The following OCIAD2 variants were observed in gnomAD, a reference collection of about 807,000 sequenced individuals.
The protein encoded by OCIAD2 is OCIA domain containing 2, also known as OCIA domain-containing protein 2.
Under a neutral mutation model 22.9 loss-of-function variants are expected in OCIAD2, and 29 were observed. That is an observed-to-expected ratio of 1.27 (90% CI 0.94 to 1.73). The LOEUF (loss-of-function observed/expected upper bound fraction) is 1.73. Ranked by LOEUF, OCIAD2 falls within the 40% of genes most tolerant of loss-of-function variation. The probability of loss-of-function intolerance (pLI) is 0.00; values close to 1 mark genes in which losing one functional copy is unlikely to be tolerated. For missense variants in OCIAD2, 189 were observed against 180.3 expected (o/e 1.05, Z -0.28); for synonymous variants, 67 against 60.2 (o/e 1.11, Z -0.52).
chr4:48,889,124 A>G (rs912933465), intron 6 of OCIAD2, among the ~76,000 whole-genome samples: 45 of 152,160 alleles, frequency 3.0e-4, no homozygotes, highest in Admixed American at 2.8e-3. Flanking sequence ...GTTTATTTGC[A>G]TAGAGGTGTT....
At position 48,904,622 on chromosome 4, in the gene OCIAD2, T is replaced by G; in HGVS notation, c.-62-11A>C. The G allele has an allele frequency of 1.5e-6, 2 of 1,323,054 alleles. No individual in the cohort carries two copies. Among genetic ancestry groups the G allele is most frequent in the South Asian group, 2.3e-5 (2 of 85,236 alleles). 82.0% of individuals were successfully genotyped at this position (1,323,054 alleles called of 1,614,324 possible). ...TCCTTGACCCAGTGTCTAAGGAAGG[T>G]AGAAGAGAATCACTATGCCATGACT... On this transcript the variant is annotated splice_polypyrimidine_tract_variant and intron_variant, in intron 1 of 6. Coordinates refer to ENST00000508632, the MANE Select transcript of OCIAD2 (RefSeq NM_001014446.3).
chr4:48,903,047 C>G (rs1318859740), intron 2 of OCIAD2, among the ~76,000 whole-genome samples: 1 of 152,140 alleles, frequency 6.6e-6, no homozygotes, highest in Non-Finnish European at 1.5e-5. Flanking sequence ...CCAAATAATT[C>G]TCCTTGTGAC....
At chr4:48,897,481 T>C (rs1179510907) in intron 4 of OCIAD2, among the ~76,000 whole-genome samples, 1 of 152,176 alleles carries the variant, frequency 6.6e-6, no homozygotes, top group Non-Finnish European at 1.5e-5. Flanking sequence ...AGATCCCGCC[T>C]TTCACTTGTA....
At position 48,885,308 on chromosome 4, in the gene OCIAD2, C is replaced by T; in HGVS notation, c.*176G>A. ...CATGCCCCGACATGTTCTTAAAGAG[C>T]AGAAAAACATGTAACGCTTAGTTCA... is the stretch of plus-strand genomic sequence containing the variant. On this transcript the variant is annotated 3_prime_UTR_variant, in exon 7 of 7. Transcript: ENST00000508632. 2.8e-6 allele frequency: 1 copy of T among 358,944 alleles called. No individual in the cohort carries two copies. The highest frequency in any genetic ancestry group is 2.7e-5 in the South Asian group (1 of 37,332). 22.2% of individuals were successfully genotyped at this position (358,944 alleles called of 1,614,324 possible). A position where few individuals can be genotyped will look rare whatever the true frequency, so the allele number is the denominator to read the frequency against.
rs892250533 is a variant in OCIAD2 at position 48,899,722 on chromosome 4, C to T, written c.163+107G>A. 3 of 727,746 alleles carry T rather than the reference C, an allele frequency of 4.1e-6. No homozygotes were observed. The African/African-American group carries it at 5.4e-5, about 13-fold the overall frequency. 45.1% of individuals were successfully genotyped at this position (727,746 alleles called of 1,614,324 possible). On this transcript the variant is annotated intron_variant, in intron 3 of 6. Transcript: ENST00000508632. ...CTAAACATCCCTGAATATCAGAGTT[C>T]ATCAGATATTTATGCAAAGTCTCTG...
At chr4:48,900,311 C>T (rs1240940474) in intron 2 of OCIAD2, among the ~76,000 whole-genome samples, 2 of 152,178 alleles carry the variant, frequency 1.3e-5, no homozygotes, top group Admixed American at 6.5e-5. Flanking sequence ...CCCAGCTGAA[C>T]ATTGTCTCCT....
intron 6 of OCIAD2, among the ~76,000 whole-genome samples, chr4:48,890,642 C>T (rs186062902): frequency 2.0e-5 from 3 of 152,240 alleles, no homozygotes; most frequent in East Asian, 3.9e-4. Context: ...GAATAATATT[C>T]GCATTTGAAT....
At position 48,904,473 on chromosome 4, in the gene OCIAD2, T is replaced by C. The variant is rs1781485343; in HGVS notation, c.66+11A>G. The stretch of plus-strand genomic sequence containing the variant: ...CAATCAATGAATCGATCAATAAATA[T>C]AAAAGTATACCTGCTTGCTTGGTGG... On this transcript the variant is annotated intron_variant, in intron 2 of 6. Coordinates refer to ENST00000508632, the MANE Select transcript of OCIAD2 (RefSeq NM_001014446.3). The C allele has an allele frequency of 1.2e-6, 2 of 1,611,864 alleles. No homozygotes were observed. The highest frequency in any genetic ancestry group is 1.3e-5 in the African/African-American group (1 of 74,886).
chr4:48,890,291 A>G (rs1441939592), intron 6 of OCIAD2, among the ~76,000 whole-genome samples: 4 of 152,000 alleles, frequency 2.6e-5, no homozygotes, highest in Non-Finnish European at 4.4e-5. Flanking sequence ...TGCTTGGTTT[A>G]TGACCCCCAG....
intron 6 of OCIAD2, among the ~76,000 whole-genome samples, chr4:48,892,447 C>G (rs1781198098): frequency 6.6e-6 from 1 of 152,118 alleles, no homozygotes; most frequent in Non-Finnish European, 1.5e-5. Context: ...CTGAGAAGCC[C>G]TGCAGTAAAG....
At chr4:48,898,220 A>G (rs2109678860) in intron 3 of OCIAD2, among the ~76,000 whole-genome samples, 1 of 152,308 alleles carries the variant, frequency 6.6e-6, no homozygotes, top group African/African-American at 2.4e-5. Context: ...AGCTATGTGT[A>G]TATTTTGAAA....
rs6447673 is a variant in OCIAD2 at position 48,894,540 on chromosome 4, G to T, written c.218-487C>A. The stretch of plus-strand genomic sequence containing the variant: ...TTATGATTCAATTCTCAGTTGAATT[G>T]AACTCCCAGATAGTCATTTTAGGCA... On this transcript the variant is annotated intron_variant, in intron 4 of 6. Transcript: ENST00000508632. 3.1e-3 allele frequency among the ~76,000 whole-genome samples: 475 copies of T among 152,198 alleles called. 1 individual carries two copies. The highest frequency in any genetic ancestry group is 0.011 in the African/African-American group (445 of 41,498).
rs765594568 is a variant in OCIAD2 at position 48,892,788 on chromosome 4, C to A, written c.367G>T (p.Gly123Cys). ...FEDQLRGAGFGPQHNRHCLLT... is the reference protein window; with the variant it reads ...FEDQLRGAGFCPQHNRHCLLT... Reference sequence around the variant, plus strand: ...ATTACAAACCTGTTATGCTGTGGACCAAAACCAGCCCCACGGAGCTGATCT... The same window carrying A: ...ATTACAAACCTGTTATGCTGTGGACAAAAACCAGCCCCACGGAGCTGATCT... Residue 123 changes from glycine (G) to cysteine (C), a missense_variant, in exon 6 of 7, where the codon GGT (glycine) becomes TGT (cysteine). Coordinates refer to ENST00000508632, the MANE Select transcript of OCIAD2 (RefSeq NM_001014446.3). The A allele has an allele frequency of 3.5e-5, 56 of 1,596,760 alleles. No homozygotes were observed. The East Asian group carries it at 1.1e-3, about 31-fold the overall frequency.
intron 2 of OCIAD2, 71 bp downstream of exon 2, chr4:48,904,413 C>T: frequency 1.5e-6 from 2 of 1,301,354 alleles, no homozygotes; most frequent in South Asian, 2.4e-5. Flanking sequence ...TGCACCACTG[C>T]ACTCCAGTCT....
chr4:48,890,270 A>G (rs189946684), intron 6 of OCIAD2, among the ~76,000 whole-genome samples: 55 of 152,054 alleles, frequency 3.6e-4, no homozygotes, highest in African/African-American at 1.2e-3. Flanking sequence ...AAAAGAAATA[A>G]TAGGAGTTGT....
chr4:48,899,868 T>G lies in OCIAD2; in HGVS notation c.124A>C (p.Ile42Leu). 6.2e-7 allele frequency: 1 copy of G among 1,613,902 alleles called. No homozygotes were observed. The highest frequency in any genetic ancestry group is 8.5e-7 in the Non-Finnish European group (1 of 1,179,932). Residue 42 changes from isoleucine to leucine, a missense_variant, in exon 3 of 7, where the codon ATT becomes CTT. Transcript: ENST00000508632. Reference protein sequence around the residue: ...LHIHRAEISKIMRECQEESFW... With the variant: ...LHIHRAEISKLMRECQEESFW... ...CTTTCTTCCTGACATTCTCGCATAA[T>G]CTTTGAGATCTCTGCTCTGTGGATG... is the stretch of plus-strand genomic sequence containing the variant.
intron 5 of OCIAD2, chr4:48,893,753 T>TA (rs1171466579): frequency 4.0e-6 from 1 of 251,146 alleles, no homozygotes; most frequent in East Asian, 7.3e-5. Context: ...TAGGGGCTGA[T>TA]TTTTCCAAAA....
chr4:48,890,095 G>A (rs1174387351), intron 6 of OCIAD2, among the ~76,000 whole-genome samples: 14 of 134,844 alleles, frequency 1.0e-4, no homozygotes, highest in Admixed American at 3.8e-4. Context: ...ATTACATACC[G>A]GGGCTTGTTG....
rs761380052 is a variant in OCIAD2 at position 48,885,462 on chromosome 4, T to G, written c.*22A>C. The G allele has an allele frequency of 7.0e-7, 1 of 1,429,666 alleles. No individual in the cohort carries two copies. The highest frequency in any genetic ancestry group is 1.2e-5 in the South Asian group (1 of 85,394). 88.6% of individuals were successfully genotyped at this position (1,429,666 alleles called of 1,614,324 possible). On this transcript the variant is annotated 3_prime_UTR_variant, in exon 7 of 7. Coordinates refer to ENST00000508632, the MANE Select transcript of OCIAD2 (RefSeq NM_001014446.3). ...TACAAATTCAGAGGTTTAAAAAACTTCGAAAGTCACAGACACAGAATTTAG... is the reference window on the plus strand; with the variant it reads ...TACAAATTCAGAGGTTTAAAAAACTGCGAAAGTCACAGACACAGAATTTAG...
Sources: allele counts gnomAD v4.1 joint callset (sites outside exome capture counted in the v4.1 genomes callset), GRCh38; gene constraint gnomAD v4.1.1; transcripts MANE v1.5; gene names NCBI Gene and HGNC (gene_info 2026-07-23, HGNC 2026-07-21).